DOCK6: variants seen among roughly 807,000 people sequenced by gnomAD.
DOCK6 encodes dedicator of cytokinesis protein 6.
A neutral mutation model predicts 230.3 loss-of-function variants in DOCK6; 167 were observed. That is an observed-to-expected ratio of 0.73 (90% CI 0.64 to 0.82). The LOEUF is 0.82. DOCK6 is among the 40% of genes least tolerant of loss of function. The probability of loss-of-function intolerance (pLI) is 0.00; values close to 1 mark genes in which losing one functional copy is unlikely to be tolerated. For synonymous variants in DOCK6, 1,148 were observed against 1,185.0 expected (o/e 0.97, Z 0.64); for missense variants, 2,598 against 2,825.8 (o/e 0.92, Z 1.83).
chr19:11,202,702 AAC>A lies in DOCK6; in HGVS notation c.5241_5242del (p.Phe1748ArgfsTer15), dbSNP rs1283476887. On this transcript the variant is annotated frameshift_variant, in exon 42 of 48. Transcript: ENST00000294618. LOFTEE classifies it high-confidence loss of function. The surrounding 1 kb of genome is among the most constrained non-coding windows in gnomAD (Gnocchi z 5.3). ...GAAGCCCACGCGGAAATACGTCCCG[AAC>A]ACGCGCTGGGGCTGTGAGAAAGGGT... 6.2e-7 allele frequency: 1 copy of A among 1,613,866 alleles called. No individual in the cohort carries two copies. The highest frequency in any genetic ancestry group is 1.1e-5 in the South Asian group (1 of 91,078).
intron 1 of DOCK6, among the ~76,000 whole-genome samples, chr19:11,261,572 C>A (rs2080289349): frequency 6.6e-6 from 1 of 152,138 alleles, no homozygotes; most frequent in East Asian, 1.9e-4. Context: ...ACCCTTGTCG[C>A]AAAGACCCCC....
chr19:11,238,500 G>T, intron 14 of DOCK6, 196 bp from the exon 15 acceptor site: 1 of 587,904 alleles, frequency 1.7e-6, no homozygotes, highest in Non-Finnish European at 3.1e-6. Context: ...AGAGGGTGGG[G>T]GACAAGCGAG....
chr19:11,219,629 A>C (rs1383200555), intron 28 of DOCK6, among the ~76,000 whole-genome samples: 1 of 151,702 alleles, frequency 6.6e-6, no homozygotes. Flanking sequence ...TCTCCTAAAA[A>C]TACAAAAAAA....
intron 22 of DOCK6, among the ~76,000 whole-genome samples, chr19:11,229,872 C>T (rs2079735349): frequency 6.6e-6 from 1 of 151,358 alleles, no homozygotes; most frequent in Non-Finnish European, 1.5e-5. Context: ...CAAAAACAAA[C>T]AAACAAACAA....
intron 9 of DOCK6, among the ~76,000 whole-genome samples, chr19:11,245,084 T>C (rs1414535889): frequency 1.3e-5 from 2 of 152,154 alleles, no homozygotes; most frequent in Non-Finnish European, 2.9e-5. Context: ...TTAGGCCCTG[T>C]GGTGAGGACT....
intron 14 of DOCK6, chr19:11,239,786 A>G (rs762507505): frequency 1.4e-5 from 23 of 1,609,850 alleles, no homozygotes; most frequent in Non-Finnish European, 2.0e-5. Context: ...CAGGCCCTCA[A>G]CGGTGTGTAC....
At position 11,204,437 on chromosome 19, in the gene DOCK6, A is replaced by G. The variant is rs559304437; in HGVS notation, c.5089-106T>C. On this transcript the variant is annotated intron_variant, in intron 39 of 47. Coordinates refer to ENST00000294618, the MANE Select transcript of DOCK6 (RefSeq NM_020812.4). ...GCCTCCGTGCTCCTACCCACCCTCCATCACCTCCTCCAGGAAGCCCACCCT... is the reference window on the plus strand; with the variant it reads ...GCCTCCGTGCTCCTACCCACCCTCCGTCACCTCCTCCAGGAAGCCCACCCT... 3.2e-4 allele frequency: 469 copies of G among 1,469,904 alleles called. 5 individuals are homozygous for G. The South Asian group carries it at 6.3e-3, about 20-fold the overall frequency. 91.1% of individuals were successfully genotyped at this position (1,469,904 alleles called of 1,614,324 possible).
At chr19:11,211,723 C>A in intron 37 of DOCK6, 53 bp downstream of exon 37, 1 of 1,391,972 alleles carries the variant, frequency 7.2e-7, no homozygotes, top group South Asian at 1.2e-5. Context: ...CCTGTTCTCC[C>A]TGCACCTGTT....
intron 22 of DOCK6, among the ~76,000 whole-genome samples, chr19:11,230,913 A>G (rs1395906101): frequency 6.6e-6 from 1 of 152,116 alleles, no homozygotes; most frequent in African/African-American, 2.4e-5. Flanking sequence ...GTCTGATGAC[A>G]GAGACGACCC....
chr19:11,246,214 G>A (rs574767500), intron 7 of DOCK6, among the ~76,000 whole-genome samples: 24 of 151,786 alleles, frequency 1.6e-4, no homozygotes, highest in African/African-American at 5.8e-4. Context: ...CTACAGGCAC[G>A]TGCCACCATG....
Position 11,213,167 on chromosome 19 carries a change from C to A in DOCK6, c.4491+9G>T. ...CATGTGTGGACCATGCCTCCTAGCC[C>A]CCACTCACGTGGCCGATCTCGAAGT... On this transcript the variant is annotated intron_variant, in intron 35 of 47. Coordinates refer to ENST00000294618, the MANE Select transcript of DOCK6 (RefSeq NM_020812.4). 6.2e-7 allele frequency: 1 copy of A among 1,609,578 alleles called. No individual in the cohort carries two copies.
chr19:11,258,543 C>G (rs1310523409), intron 1 of DOCK6, among the ~76,000 whole-genome samples: 1 of 150,924 alleles, frequency 6.6e-6, no homozygotes, highest in Non-Finnish European at 1.5e-5. Flanking sequence ...AGCGATTCTC[C>G]TGCCTCAGCC....
At position 11,200,479 on chromosome 19, in the gene DOCK6, A is replaced by G. The variant is rs2079150770; in HGVS notation, c.5940-10T>C. The stretch of plus-strand genomic sequence containing the variant: ...CAGCGCATCCTCACATCTGAGGGCC[A>G]GAGGGTGGGAGATGCTCAGAGACTC... On this transcript the variant is annotated splice_polypyrimidine_tract_variant and intron_variant, in intron 46 of 47. Coordinates refer to ENST00000294618, the MANE Select transcript of DOCK6 (RefSeq NM_020812.4). The surrounding 1 kb of genome is among the most constrained non-coding windows in gnomAD (Gnocchi z 4.3). The G allele has an allele frequency of 6.2e-7, 1 of 1,607,514 alleles. No homozygotes were observed. Among genetic ancestry groups the G allele is most frequent in the Non-Finnish European group, 8.5e-7 (1 of 1,177,158 alleles).
chr19:11,202,884 T>C lies in DOCK6; in HGVS notation c.5236-175A>G, dbSNP rs957056537. Reference sequence around the variant, plus strand: ...TGGGGCATGGATTGCAATAGGAAGTTAGGACTGGGGCTGTATTGTTTACGG... The same window carrying C: ...TGGGGCATGGATTGCAATAGGAAGTCAGGACTGGGGCTGTATTGTTTACGG... On this transcript the variant is annotated intron_variant, in intron 41 of 47. Transcript: ENST00000294618. The surrounding 1 kb of genome is among the most constrained non-coding windows in gnomAD (Gnocchi z 5.3). Among the ~76,000 whole-genome samples the C allele has an allele frequency of 6.6e-6, 1 of 151,694 alleles. No homozygotes were observed. Among genetic ancestry groups the C allele is most frequent in the Non-Finnish European group, 1.5e-5 (1 of 67,966 alleles).
At chr19:11,228,726 AT>A (rs1324703873) in intron 23 of DOCK6, 633 of 437,282 alleles carry the variant, frequency 1.4e-3, no homozygotes, top group Middle Eastern at 3.3e-3. Flanking sequence ...CTCCTGGCTA[AT>A]TTTTTTTTGT....
At chr19:11,209,439 C>A (rs1226583806) in intron 37 of DOCK6, among the ~76,000 whole-genome samples, 1 of 151,924 alleles carries the variant, frequency 6.6e-6, no homozygotes, top group East Asian at 1.9e-4. Context: ...TCACGTGTAT[C>A]CTACTCACCT....
At chr19:11,228,052 C>T (rs571296035) in intron 23 of DOCK6, among the ~76,000 whole-genome samples, 34 of 150,348 alleles carry the variant, frequency 2.3e-4, no homozygotes, top group Non-Finnish European at 4.7e-4. Flanking sequence ...TTGCCGTCAC[C>T]CAGGCTGGTG....
Position 11,201,843 on chromosome 19 carries a change from G to GT in DOCK6, c.5688+45dup. 1.0e-6 allele frequency: 1 copy of GT among 969,260 alleles called. No homozygotes were observed. The highest frequency in any genetic ancestry group is 1.4e-5 in the South Asian group (1 of 69,926). 60.0% of individuals were successfully genotyped at this position (969,260 alleles called of 1,614,324 possible). A position where few individuals can be genotyped will look rare whatever the true frequency, so the allele number is the denominator to read the frequency against. On this transcript the variant is annotated intron_variant, in intron 44 of 47. Coordinates refer to ENST00000294618, the MANE Select transcript of DOCK6 (RefSeq NM_020812.4). The surrounding 1 kb of genome is among the most constrained non-coding windows in gnomAD (Gnocchi z 4.3). ...CTCCCCTCCCCTCCCAGGGTCTGAT[G>GT]TCCCCTCACCTCCCCACCCCCGCCA...
rs757970053 is a variant in DOCK6 at position 11,233,219 on chromosome 19, C to T, written c.2702G>A (p.Arg901His). Residue 901 changes from arginine to histidine, a missense_variant, in exon 22 of 48, where the codon CGC (arginine) becomes CAC (histidine). Transcript: ENST00000294618. ...APGSVDDEVS[R>H]ILASKLLHEE... ...TTGCCCTACCTTGCTGGCCAGGATG[C>T]GGGAAACCTCGTCATCCACAGAGCC... 50 of 1,613,308 alleles carry T rather than the reference C, an allele frequency of 3.1e-5. No individual in the cohort carries two copies. In the African/African-American group the frequency reaches 4.7e-4, roughly 15 times the overall value.
Sources: gnomAD v4.1 joint callset for allele counts (sites outside exome capture counted in the v4.1 genomes callset) on GRCh38, gnomAD v4.1.1 for gene constraint, Gnocchi (gnomAD v3.1) non-coding constraint, MANE v1.5 for transcripts, NCBI Gene and HGNC (gene_info 2026-07-23, HGNC 2026-07-21) for gene names.